PIWIL1: variants seen among roughly 807,000 people sequenced by gnomAD.
PIWIL1 encodes the protein piwi like RNA-mediated gene silencing 1, also known as piwi-like protein 1.
Under a neutral mutation model 114.4 loss-of-function variants are expected in PIWIL1, and 73 were observed. That is an observed-to-expected ratio of 0.64 (90% CI 0.53 to 0.78). The LOEUF (loss-of-function observed/expected upper bound fraction) is 0.78, where lower values mean the gene tolerates loss of function less well. Among genes scored for constraint, PIWIL1 ranks in the 30% least tolerant of loss-of-function variants. PIWIL1 has a pLI of 0.00. For missense variants in PIWIL1, 723 were observed against 1,063.1 expected, an observed-to-expected ratio of 0.68 and a Z score of 4.45; for synonymous variants, 375 against 369.0, an observed-to-expected ratio of 1.02 and a Z score of -0.19.
At chr12:130,378,577 C>CT in the PIWIL1 span, among the ~76,000 whole-genome samples, 23,046 of 151,862 alleles carry the variant, frequency 0.15, 1,830 homozygotes, top group South Asian at 0.22. Flanking sequence ...GCCCTTTTCC[C>CT]TTTTTCTTTA....
At chr12:130,380,006 A>T in the PIWIL1 span, among the ~76,000 whole-genome samples, 8 of 99,556 alleles carry the variant, frequency 8.0e-5, no homozygotes, top group Non-Finnish European at 1.4e-4. Context: ...CAACTCCCTC[A>T]TCCCAGTTCC....
chr12:130,395,618 ATAT>A, the PIWIL1 span, among the ~76,000 whole-genome samples: 1 of 152,202 alleles, frequency 6.6e-6, no homozygotes, highest in Non-Finnish European at 1.5e-5. Context: ...AGGTAAAAAG[ATAT>A]TATGGTAGCA....
chr12:130,421,691 A>ATATGTGTGTGTG, the PIWIL1 span, among the ~76,000 whole-genome samples: 4 of 147,188 alleles, frequency 2.7e-5, no homozygotes, highest in African/African-American at 5.1e-5. Context: ...CTGCATTTAT[A>ATATGTGTGTGTG]TGTGTGTGTG....
the PIWIL1 span, among the ~76,000 whole-genome samples, chr12:130,410,191 G>A: frequency 6.6e-6 from 1 of 152,190 alleles, no homozygotes; most frequent in Non-Finnish European, 1.5e-5. Flanking sequence ...CGTCTTTGGC[G>A]AAAGGTCACT....
chr12:130,413,671 A>G, the PIWIL1 span, among the ~76,000 whole-genome samples: 1 of 148,394 alleles, frequency 6.7e-6, no homozygotes, highest in African/African-American at 2.5e-5. Flanking sequence ...CTGGGTACCA[A>G]AGGGATAGGA....
the PIWIL1 span, chr12:130,424,976 G>A: frequency 1.9e-6 from 1 of 513,454 alleles, no homozygotes; most frequent in Non-Finnish European, 3.0e-6. This position sits in a 1 kb window ranked among gnomAD's most constrained non-coding sequence, Gnocchi z 9.8. Flanking sequence ...CCGAGGGGGG[G>A]GAAGCATGCG....
chr12:130,395,250 G>C, the PIWIL1 span, among the ~76,000 whole-genome samples: 105 of 152,250 alleles, frequency 6.9e-4, 1 homozygote, highest in African/African-American at 2.4e-3. Context: ...TAACTTGTTT[G>C]GTACAATTTT....
At chr12:130,394,099 T>G in the PIWIL1 span, among the ~76,000 whole-genome samples, 23 of 152,314 alleles carry the variant, frequency 1.5e-4, no homozygotes, top group African/African-American at 5.5e-4. Context: ...CTCGGCACTC[T>G]CTCTGCATAG....
At position 130,365,142 on chromosome 12, in the gene PIWIL1, G is replaced by A. The variant is rs183053318; in HGVS notation, c.2196-1991G>A. Among the ~76,000 whole-genome samples the A allele has an allele frequency of 1.6e-4, 24 of 152,330 alleles. No individual in the cohort carries two copies. In the East Asian group the frequency reaches 4.4e-3, roughly 28 times the overall value. On this transcript the variant is annotated intron_variant, in intron 18 of 20. Transcript: ENST00000245255. The stretch of plus-strand genomic sequence containing the variant: ...GGTGCGCCTACCCAGCTCCATCAGC[G>A]AGTGGGAACACAGCGTTGCAGGGAA...
chr12:130,418,838 A>G, the PIWIL1 span, among the ~76,000 whole-genome samples: 1 of 152,142 alleles, frequency 6.6e-6, no homozygotes, highest in Non-Finnish European at 1.5e-5. Context: ...GTCCAAACTC[A>G]CATGGACCAT....
the PIWIL1 span, chr12:130,420,762 G>A: frequency 1.3e-5 from 2 of 152,134 alleles, no homozygotes; most frequent in African/African-American, 4.8e-5. This position sits in a 1 kb window ranked among gnomAD's most constrained non-coding sequence, Gnocchi z 4.3. Flanking sequence ...CTCTGACAGC[G>A]AGGGTCACCC....
Position 130,347,198 on chromosome 12 carries a change from A to C in PIWIL1, c.653+136A>C, listed in dbSNP as rs1496855. 0.023 allele frequency: 15,141 copies of C among 670,560 alleles called. 1,618 individuals are homozygous for C. The African/African-American group carries it at 0.24, about 11-fold the overall frequency. The allele number at this position is 670,560 out of a possible 1,614,324, so 41.5% of individuals were successfully genotyped here. ...GAGTTTCTCTGTATTGCAGTAACTTAAGGTGTGGTTTACTGATAGAAAATT... is the reference window on the plus strand; with the variant it reads ...GAGTTTCTCTGTATTGCAGTAACTTCAGGTGTGGTTTACTGATAGAAAATT... On this transcript the variant is annotated intron_variant, in intron 6 of 20. Transcript: ENST00000245255.
downstream of PIWIL1, among the ~76,000 whole-genome samples, chr12:130,374,471 G>A (rs1173256986): frequency 6.6e-6 from 1 of 152,194 alleles, no homozygotes; most frequent in East Asian, 1.9e-4. Flanking sequence ...TAGAGAAACT[G>A]TAAAATTTTC....
At position 130,343,158 on chromosome 12, in the gene PIWIL1, T is replaced by A. The variant is rs547056186; in HGVS notation, c.190+57T>A. The A allele has an allele frequency of 2.9e-5, 35 of 1,206,904 alleles. No individual in the cohort carries two copies. In the South Asian group the frequency reaches 5.1e-4, roughly 18 times the overall value. The allele number at this position is 1,206,904 out of a possible 1,614,324, so 74.8% of individuals were successfully genotyped here. ...CTCTGTTCAACATATACAGCAAATT[T>A]TATTGAATTAAAACTTGGTACAAAA... On this transcript the variant is annotated intron_variant, in intron 3 of 20. Transcript: ENST00000245255.
At chr12:130,402,901 C>T in the PIWIL1 span, among the ~76,000 whole-genome samples, 1 of 152,166 alleles carries the variant, frequency 6.6e-6, no homozygotes, top group Admixed American at 6.5e-5. Flanking sequence ...ATAGCAAGAA[C>T]AGCACACGCT....
At chr12:130,413,587 G>A in the PIWIL1 span, among the ~76,000 whole-genome samples, 2 of 146,714 alleles carry the variant, frequency 1.4e-5, no homozygotes, top group African/African-American at 2.6e-5. Context: ...GAGCTGAGAT[G>A]GTGCCACTGT....
chr12:130,343,007 T>C lies in PIWIL1; in HGVS notation c.96T>C (p.Tyr32=). 1 of 1,614,002 alleles carries C rather than the reference T, an allele frequency of 6.2e-7. No homozygotes were observed. Among genetic ancestry groups the C allele is most frequent in the Non-Finnish European group, 8.5e-7 (1 of 1,179,840 alleles). The change falls in exon 3 of 21, where the codon TAT becomes TAC. Residue 32 remains tyrosine (Y), a synonymous_variant. Transcript: ENST00000245255. The part of the protein sequence containing the change: ...VGSTASQQPG[Y]IQPRPQPPPA... ...AACTACAGAGTCAGCAACCTGGTTATATTCAGCCTAGGCCTCAGCCGCCAC... is the reference window on the plus strand; with the variant it reads ...AACTACAGAGTCAGCAACCTGGTTACATTCAGCCTAGGCCTCAGCCGCCAC...
chr12:130,379,280 ACACT>A, the PIWIL1 span, among the ~76,000 whole-genome samples: 1 of 152,250 alleles, frequency 6.6e-6, no homozygotes, highest in African/African-American at 2.4e-5. Flanking sequence ...CACATAGCAG[ACACT>A]CACACATTTG....
chr12:130,403,188 A>G, the PIWIL1 span, among the ~76,000 whole-genome samples: 1 of 152,236 alleles, frequency 6.6e-6, no homozygotes, highest in Admixed American at 6.5e-5. Flanking sequence ...GATTTTTGGT[A>G]TCAAATTAGG....
Sources: gnomAD v4.1 joint callset for allele counts (sites outside exome capture counted in the v4.1 genomes callset) on GRCh38, gnomAD v4.1.1 for gene constraint, Gnocchi (gnomAD v3.1) non-coding constraint, MANE v1.5 for transcripts, NCBI Gene and HGNC (gene_info 2026-07-23, HGNC 2026-07-21) for gene names.